Variants in ERBB4 observed in about 807,000 individuals in gnomAD.
The protein encoded by ERBB4 is erb-b2 receptor tyrosine kinase 4, also known as receptor tyrosine-protein kinase erbB-4.
Under a neutral mutation model 158.0 loss-of-function variants are expected in ERBB4, and 42 were observed. The ratio of observed to expected loss-of-function variants is 0.27; its 90% CI spans 0.21 to 0.34. ERBB4 has a LOEUF of 0.34. Among genes scored for constraint, ERBB4 ranks in the 10% least tolerant of loss-of-function variants. The pLI, the probability that ERBB4 is intolerant of heterozygous loss-of-function variation, is 1.00. For missense variants in ERBB4, 1,333 were observed against 1,624.1 expected (o/e 0.82, Z 3.08); for synonymous variants, 583 against 558.7 (o/e 1.04, Z -0.61).
chr2:211,560,130 A>T (rs1026434221), intron 20 of ERBB4, among the ~76,000 whole-genome samples: 1 of 152,084 alleles, frequency 6.6e-6, no homozygotes, highest in Non-Finnish European at 1.5e-5. Flanking sequence ...CAGGAAACTC[A>T]AAGTAGTTTC....
intron 1 of ERBB4, among the ~76,000 whole-genome samples, chr2:212,297,453 T>G (rs1370912763): frequency 6.6e-6 from 1 of 151,958 alleles, no homozygotes; most frequent in East Asian, 1.9e-4. Context: ...TTTTGCCTGT[T>G]TCTTAAAGCT....
intron 1 of ERBB4, among the ~76,000 whole-genome samples, chr2:212,347,703 C>T (rs1160542135): frequency 6.6e-6 from 1 of 152,100 alleles, no homozygotes; most frequent in Non-Finnish European, 1.5e-5. Flanking sequence ...CTTTGAGTGT[C>T]ATATTGGTGC....
chr2:212,035,595 T>C (rs1392172143), intron 2 of ERBB4, among the ~76,000 whole-genome samples: 1 of 152,178 alleles, frequency 6.6e-6, no homozygotes, highest in Admixed American at 6.5e-5. Flanking sequence ...ACTGTATTGT[T>C]TCTATTTTTA....
chr2:211,922,046 G>A (rs1209473780), intron 3 of ERBB4, among the ~76,000 whole-genome samples: 2 of 152,070 alleles, frequency 1.3e-5, no homozygotes, highest in Non-Finnish European at 2.9e-5. Flanking sequence ...ATAAATAGGA[G>A]TTGATAGGAG....
At chr2:211,928,352 C>T (rs1157156953) in intron 3 of ERBB4, among the ~76,000 whole-genome samples, 2 of 151,956 alleles carry the variant, frequency 1.3e-5, no homozygotes, top group Admixed American at 6.6e-5. Flanking sequence ...ACCCACTCAC[C>T]GCAGGGAATA....
intron 4 of ERBB4, among the ~76,000 whole-genome samples, chr2:211,764,445 C>G (rs566101833): frequency 3.9e-5 from 6 of 152,232 alleles, no homozygotes; most frequent in African/African-American, 1.4e-4. Flanking sequence ...ACAATGAAAG[C>G]CCTCGTTAGC....
chr2:212,008,757 A>G (rs2076313703), intron 2 of ERBB4, among the ~76,000 whole-genome samples: 1 of 152,176 alleles, frequency 6.6e-6, no homozygotes, highest in African/African-American at 2.4e-5. Context: ...ACTGCTTTGA[A>G]GTTCAAGAGT....
intron 9 of ERBB4, among the ~76,000 whole-genome samples, chr2:211,711,714 C>T (rs1237619623): frequency 1.3e-5 from 2 of 152,032 alleles, no homozygotes; most frequent in Admixed American, 6.6e-5. Context: ...ATGAATTTTC[C>T]CACCTCAACC....
At chr2:211,511,355 G>A (rs1007224508) in intron 20 of ERBB4, among the ~76,000 whole-genome samples, 1 of 151,888 alleles carries the variant, frequency 6.6e-6, no homozygotes, top group African/African-American at 2.4e-5. Flanking sequence ...TTATGATTGT[G>A]TTACATAGCA....
chr2:212,448,872 C>T (rs1378525513), intron 1 of ERBB4, among the ~76,000 whole-genome samples: 2 of 151,974 alleles, frequency 1.3e-5, no homozygotes, highest in Non-Finnish European at 2.9e-5. Context: ...TAGTTTCATC[C>T]TCTCATACTC....
At chr2:211,778,779 C>A (rs931814266) in intron 4 of ERBB4, 7 of 152,148 alleles carry the variant, frequency 4.6e-5, no homozygotes, top group Admixed American at 1.3e-4. Context: ...TTAACATAAA[C>A]CCTCCAGCTA....
At chr2:211,917,758 G>C (rs1368003473) in intron 3 of ERBB4, among the ~76,000 whole-genome samples, 1 of 152,200 alleles carries the variant, frequency 6.6e-6, no homozygotes, top group Non-Finnish European at 1.5e-5. Flanking sequence ...AGCTACTTGA[G>C]TCAGATTCTG....
At chr2:211,955,110 C>A (rs2080991423) in intron 2 of ERBB4, among the ~76,000 whole-genome samples, 1 of 152,014 alleles carries the variant, frequency 6.6e-6, no homozygotes, top group Admixed American at 6.6e-5. Context: ...ATTCATACTA[C>A]TTACATACTG....
rs1559865764 is a variant in ERBB4, at chr2:212,259,084, AT to A, written c.83-134182del. Among the ~76,000 whole-genome samples, 4 of 152,118 alleles carry A rather than the reference AT, an allele frequency of 2.6e-5. 1 individual carries two copies. The South Asian group carries it at 8.3e-4, about 31-fold the overall frequency. ...CTTCCAACTTTTAAATATATCTGAAATTTTTTTGACAAAATATTAGAAAAGT... is the reference window on the plus strand; with the variant it reads ...CTTCCAACTTTTAAATATATCTGAAATTTTTTGACAAAATATTAGAAAAGT... On this transcript the variant is annotated intron_variant, in intron 1 of 27. Coordinates refer to ENST00000342788, the MANE Select transcript of ERBB4 (RefSeq NM_005235.3).
chr2:211,637,102 C>T (rs1398129060), intron 16 of ERBB4, among the ~76,000 whole-genome samples: 2 of 151,858 alleles, frequency 1.3e-5, no homozygotes, highest in Non-Finnish European at 2.9e-5. Flanking sequence ...AATTAGGTAA[C>T]ATTGGCCATC....
intron 3 of ERBB4, among the ~76,000 whole-genome samples, chr2:211,827,358 T>C (rs1021400464): frequency 5.3e-5 from 8 of 152,074 alleles, no homozygotes; most frequent in Non-Finnish European, 1.5e-5. Flanking sequence ...AAGAAGGTTT[T>C]TGTTTGTTTT....
intron 1 of ERBB4, among the ~76,000 whole-genome samples, chr2:212,265,396 T>C (rs923173265): frequency 6.6e-6 from 1 of 152,048 alleles, no homozygotes; most frequent in Non-Finnish European, 1.5e-5. Context: ...ATATCAATTA[T>C]TAGATTTCTT....
At position 212,528,591 on chromosome 2, in the gene ERBB4, T is replaced by C. The variant is rs1692577172; in HGVS notation, c.82+9858A>G. Among the ~76,000 whole-genome samples, 5 of 152,182 alleles carry C rather than the reference T, an allele frequency of 3.3e-5. No homozygotes were observed. In the South Asian group the frequency reaches 1.0e-3, roughly 31 times the overall value. ...ATTAATAGATTACTCGGCAGACTGTTAGGTAATTTTGAAAGTTACATTAAC... is the reference window on the plus strand; with the variant it reads ...ATTAATAGATTACTCGGCAGACTGTCAGGTAATTTTGAAAGTTACATTAAC... On this transcript the variant is annotated intron_variant, in intron 1 of 27. Transcript: ENST00000342788.
At chr2:212,182,462 T>A (rs1054984321) in intron 1 of ERBB4, among the ~76,000 whole-genome samples, 2 of 151,884 alleles carry the variant, frequency 1.3e-5, no homozygotes, top group African/African-American at 4.8e-5. Context: ...GAGCTTGTCC[T>A]AGTATTTTTA....
Sources: gnomAD v4.1 joint callset for allele counts (sites outside exome capture counted in the v4.1 genomes callset) on GRCh38, gnomAD v4.1.1 for gene constraint, MANE v1.5 for transcripts, NCBI Gene and HGNC (gene_info 2026-07-23, HGNC 2026-07-21) for gene names.